The following RGS17 variants were observed in gnomAD, a reference collection of about 807,000 sequenced individuals.
RGS17 encodes the protein regulator of G-protein signaling 17.
A neutral mutation model predicts 25.5 loss-of-function variants in RGS17; 12 were observed. The ratio of observed to expected loss-of-function variants is 0.47; its 90% CI spans 0.30 to 0.76. The LOEUF (loss-of-function observed/expected upper bound fraction) is 0.76, where lower values mean the gene tolerates loss of function less well. Ranked by LOEUF, RGS17 falls within the 30% of genes least tolerant of loss-of-function variation. The pLI is 0.07. For synonymous variants in RGS17, 71 were observed against 76.9 expected (o/e 0.92, Z 0.40); for missense variants, 196 against 242.2 (o/e 0.81, Z 1.27).
At chr6:153,028,032 G>A (rs950240564) in intron 2 of RGS17, among the ~76,000 whole-genome samples, 2 of 152,132 alleles carry the variant, frequency 1.3e-5, no homozygotes, top group African/African-American at 2.4e-5. Context: ...TCTGACAAGC[G>A]GGCCCATCTA....
At chr6:153,075,917 C>G (rs752731773) in intron 1 of RGS17, among the ~76,000 whole-genome samples, 25 of 152,204 alleles carry the variant, frequency 1.6e-4, no homozygotes, top group Admixed American at 1.2e-3. Context: ...AGGGGACAAA[C>G]CGATGGTAAT....
chr6:153,038,967 G>C (rs1227480724), intron 2 of RGS17, among the ~76,000 whole-genome samples: 1 of 152,142 alleles, frequency 6.6e-6, no homozygotes, highest in Non-Finnish European at 1.5e-5. Context: ...ATCCAAAAAA[G>C]AGACAATTTT....
At chr6:153,067,800 TA>T (rs2129116397) in intron 1 of RGS17, among the ~76,000 whole-genome samples, 1 of 152,226 alleles carries the variant, frequency 6.6e-6, no homozygotes, top group East Asian at 1.9e-4. Context: ...AGAGAAATAG[TA>T]AAAGCTATCT....
chr6:153,110,425 T>TACACAC (rs149969105), intron 1 of RGS17, among the ~76,000 whole-genome samples: 11,007 of 144,840 alleles, frequency 0.076, 596 homozygotes, highest in East Asian at 0.22. Context: ...ACTGCCAACA[T>TACACAC]ACACACACAC....
At chr6:153,014,457 A>G (rs1779162428) in intron 4 of RGS17, among the ~76,000 whole-genome samples, 1 of 152,218 alleles carries the variant, frequency 6.6e-6, no homozygotes, top group African/African-American at 2.4e-5. Flanking sequence ...TCCATTCTGC[A>G]GCCCATGGAT....
chr6:153,020,151 T>TC (rs1779233377), intron 4 of RGS17, among the ~76,000 whole-genome samples: 3 of 57,586 alleles, frequency 5.2e-5, no homozygotes, highest in African/African-American at 2.6e-4. Flanking sequence ...TTTTTTTTTT[T>TC]TTTTTTTTTT....
At chr6:153,066,144 T>C (rs1013025012) in intron 1 of RGS17, among the ~76,000 whole-genome samples, 6 of 152,178 alleles carry the variant, frequency 3.9e-5, no homozygotes, top group Non-Finnish European at 7.3e-5. Flanking sequence ...GAGGCTACTA[T>C]GAGTAACCGT....
chr6:153,023,786 AGTAT>A (rs1779270512), intron 4 of RGS17, among the ~76,000 whole-genome samples: 1 of 152,156 alleles, frequency 6.6e-6, no homozygotes, highest in Non-Finnish European at 1.5e-5. Context: ...TTTTCCAACT[AGTAT>A]GTATGTGGAA....
At chr6:153,028,957 G>A (rs1010058052) in intron 2 of RGS17, among the ~76,000 whole-genome samples, 3 of 152,144 alleles carry the variant, frequency 2.0e-5, no homozygotes, top group African/African-American at 4.8e-5. Flanking sequence ...GACAAATCTG[G>A]AGTCTACAGG....
intron 2 of RGS17, among the ~76,000 whole-genome samples, chr6:153,036,806 C>G (rs989297016): frequency 6.6e-6 from 1 of 152,106 alleles, no homozygotes; most frequent in African/African-American, 2.4e-5. Flanking sequence ...TCTCTCCATC[C>G]CTTTTATTGT....
At chr6:153,033,712 C>A (rs1032949608) in intron 2 of RGS17, among the ~76,000 whole-genome samples, 1 of 151,806 alleles carries the variant, frequency 6.6e-6, no homozygotes, top group African/African-American at 2.4e-5. Context: ...AGTGAGACTT[C>A]ATCTCAAAAT....
chr6:153,123,055 T>C (rs1407308976), intron 1 of RGS17, among the ~76,000 whole-genome samples: 2 of 151,390 alleles, frequency 1.3e-5, no homozygotes, highest in Non-Finnish European at 3.0e-5. Context: ...TAAATTGGAG[T>C]ATTTAATACT....
intron 1 of RGS17, among the ~76,000 whole-genome samples, chr6:153,093,800 T>A (rs1156792749): frequency 1.3e-5 from 2 of 152,254 alleles, no homozygotes; most frequent in South Asian, 4.1e-4. Context: ...AGTGAAAAGA[T>A]CATTGATCTT....
chr6:153,017,328 C>T (rs1779194987), intron 4 of RGS17, among the ~76,000 whole-genome samples: 1 of 152,036 alleles, frequency 6.6e-6, no homozygotes, highest in Admixed American at 6.6e-5. Flanking sequence ...GAGCAGGAGA[C>T]AGGGAGGCAG....
chr6:153,109,280 T>C (rs1777432234), intron 1 of RGS17, among the ~76,000 whole-genome samples: 1 of 152,256 alleles, frequency 6.6e-6, no homozygotes, highest in African/African-American at 2.4e-5. Flanking sequence ...TATTAAAATC[T>C]ACCTTATTTC....
At chr6:153,120,427 T>G (rs1777609718) in intron 1 of RGS17, among the ~76,000 whole-genome samples, 1 of 152,244 alleles carries the variant, frequency 6.6e-6, no homozygotes, top group African/African-American at 2.4e-5. Context: ...GATCTTTTTG[T>G]TCACCAAGTC....
In RGS17 at chr6:153,107,204, G is replaced by A. The variant is rs373082407; in HGVS notation, c.-26+23920C>T. Among the ~76,000 whole-genome samples the A allele has an allele frequency of 3.2e-4, 48 of 151,846 alleles. 7 individuals are homozygous for A. Among genetic ancestry groups the A allele is most frequent in the Admixed American group, 2.1e-3 (32 of 15,258 alleles). The stretch of plus-strand genomic sequence containing the variant: ...AAAAATTAGCCGGGCATGGTGGTGG[G>A]CGCCTGTAATCCTAGCTACTCGGGA... On this transcript the variant is annotated intron_variant, in intron 1 of 4. Coordinates refer to ENST00000206262, the MANE Select transcript of RGS17 (RefSeq NM_012419.5).
At chr6:153,103,459 A>G (rs1460985577) in intron 1 of RGS17, among the ~76,000 whole-genome samples, 1 of 152,132 alleles carries the variant, frequency 6.6e-6, no homozygotes, top group Non-Finnish European at 1.5e-5. Flanking sequence ...GCAGAGCCAC[A>G]CTTCCTCTCA....
chr6:153,021,779 G>C (rs566658346), intron 4 of RGS17, among the ~76,000 whole-genome samples: 29 of 152,188 alleles, frequency 1.9e-4, no homozygotes, highest in African/African-American at 7.0e-4. Context: ...ATGGGTATTA[G>C]GAAACATAAA....
Sources: gnomAD v4.1 joint callset for allele counts (sites outside exome capture counted in the v4.1 genomes callset) on GRCh38, gnomAD v4.1.1 for gene constraint, MANE v1.5 for transcripts, NCBI Gene and HGNC (gene_info 2026-07-23, HGNC 2026-07-21) for gene names.